DCC: variants seen among roughly 807,000 people sequenced by gnomAD.
The protein encoded by DCC is netrin receptor DCC.
In DCC, 58 loss-of-function variants were observed where a neutral mutation model predicts 172.5. The observed-to-expected ratio is 0.34, with a 90% CI of 0.27 to 0.42. The LOEUF is 0.42. DCC is among the 10% of genes least tolerant of loss of function. The probability of loss-of-function intolerance (pLI) is 1.00; values close to 1 mark genes in which losing one functional copy is unlikely to be tolerated. For synonymous variants in DCC, 709 were observed against 644.5 expected (o/e 1.10, Z -1.52); for missense variants, 1,740 against 1,791.0 (o/e 0.97, Z 0.51).
intron 15 of DCC, among the ~76,000 whole-genome samples, chr18:53,385,712 A>T (rs1357542760): frequency 6.6e-6 from 1 of 152,208 alleles, no homozygotes; most frequent in East Asian, 1.9e-4. Flanking sequence ...CAGACAACAA[A>T]CAGATGATGA....
intron 7 of DCC, among the ~76,000 whole-genome samples, chr18:53,122,522 C>T (rs1482451720): frequency 6.6e-6 from 1 of 151,056 alleles, no homozygotes; most frequent in Non-Finnish European, 1.5e-5. Flanking sequence ...GATTTTTTTT[C>T]AGCTGATTCT....
intron 1 of DCC, among the ~76,000 whole-genome samples, chr18:52,497,823 T>C (rs531213962): frequency 1.3e-5 from 2 of 152,214 alleles, no homozygotes; most frequent in African/African-American, 4.8e-5. Flanking sequence ...CCAACCCAGA[T>C]ATAAGGCAGC....
intron 7 of DCC, among the ~76,000 whole-genome samples, chr18:53,092,672 C>T (rs1055936999): frequency 7.2e-5 from 11 of 152,104 alleles, no homozygotes; most frequent in African/African-American, 2.7e-4. Context: ...GTGGAGTTAG[C>T]TGATATTATT....
chr18:53,250,851 A>T (rs1293568047), intron 12 of DCC, among the ~76,000 whole-genome samples: 1 of 151,774 alleles, frequency 6.6e-6, no homozygotes, highest in Non-Finnish European at 1.5e-5. Flanking sequence ...ATCTCCCTTG[A>T]TTCCTGAAAC....
chr18:52,523,877 A>G (rs190690146), intron 1 of DCC, among the ~76,000 whole-genome samples: 2 of 152,334 alleles, frequency 1.3e-5, no homozygotes, highest in African/African-American at 4.8e-5. Context: ...CCAATTTTTT[A>G]AAAAGAGCAA....
At chr18:53,466,269 AC>A (rs1421406333) in intron 24 of DCC, among the ~76,000 whole-genome samples, 2 of 151,966 alleles carry the variant, frequency 1.3e-5, no homozygotes, top group African/African-American at 4.8e-5. Context: ...CTCCTAGGAA[AC>A]TTTTTTAGTA....
chr18:53,274,413 G>C (rs1487764873), intron 12 of DCC, among the ~76,000 whole-genome samples: 1 of 152,112 alleles, frequency 6.6e-6, no homozygotes, highest in Non-Finnish European at 1.5e-5. Context: ...TATGTAAGCA[G>C]GGTTTTTATG....
intron 12 of DCC, among the ~76,000 whole-genome samples, chr18:53,220,342 C>T (rs917337614): frequency 1.3e-5 from 2 of 152,140 alleles, no homozygotes; most frequent in Admixed American, 1.3e-4. Flanking sequence ...ACCCACTTCT[C>T]TGCTTTCACC....
intron 2 of DCC, among the ~76,000 whole-genome samples, chr18:52,770,277 G>A (rs74737502): frequency 6.6e-6 from 1 of 151,854 alleles, no homozygotes; most frequent in Non-Finnish European, 1.5e-5. Flanking sequence ...TCAAGTCTTG[G>A]ACTATGGAGT....
intron 7 of DCC, among the ~76,000 whole-genome samples, chr18:53,106,988 C>T (rs768368150): frequency 2.6e-5 from 4 of 151,890 alleles, no homozygotes; most frequent in Non-Finnish European, 5.9e-5. Flanking sequence ...GTTCTTAAGA[C>T]ATAGGGACAT....
intron 15 of DCC, 139 bp downstream of exon 15, chr18:53,340,046 CTA>C: frequency 1.7e-6 from 1 of 592,426 alleles, no homozygotes; most frequent in South Asian, 1.8e-5. Flanking sequence ...AACTGTCTAT[CTA>C]CACACACACA....
chr18:52,805,061 T>C (rs1032252516), intron 2 of DCC, among the ~76,000 whole-genome samples: 5 of 152,232 alleles, frequency 3.3e-5, no homozygotes, highest in African/African-American at 1.2e-4. Context: ...TGTGAGCCTT[T>C]GCTTCTTCAT....
intron 5 of DCC, among the ~76,000 whole-genome samples, chr18:52,926,834 TACACACACACAC>T (rs143536972): frequency 1.4e-5 from 2 of 143,462 alleles, no homozygotes; most frequent in Non-Finnish European, 3.1e-5. Context: ...TACATATACA[TACACACACACAC>T]ATATACGTGT....
At chr18:52,755,944 T>G (rs1162693757) in intron 2 of DCC, among the ~76,000 whole-genome samples, 1 of 152,182 alleles carries the variant, frequency 6.6e-6, no homozygotes, top group East Asian at 1.9e-4. Flanking sequence ...AAGGCTTGAG[T>G]GCACACTTGG....
chr18:52,406,388 C>A (rs565471869), intron 1 of DCC, among the ~76,000 whole-genome samples: 123 of 151,672 alleles, frequency 8.1e-4, no homozygotes, highest in Admixed American at 7.6e-3. Flanking sequence ...AACAGGCAAC[C>A]TACAAAATGG....
At position 53,305,600 on chromosome 18, in the gene DCC, C is replaced by G; in HGVS notation, c.1934C>G (p.Pro645Arg). ...CAGAGTATCAAAGTTAGCTGGCTGCCTCCTCCATCAGGAACACAAAATGGA... is the reference window on the plus strand; with the variant it reads ...CAGAGTATCAAAGTTAGCTGGCTGCGTCCTCCATCAGGAACACAAAATGGA... ...NSRSIKVSWL[P>R]PPSGTQNGFI... Residue 645 changes from proline to arginine, a missense_variant, in exon 13 of 29, where the codon CCT becomes CGT. Coordinates refer to ENST00000442544, the MANE Select transcript of DCC (RefSeq NM_005215.4). 1 of 1,612,918 alleles carries G rather than the reference C, an allele frequency of 6.2e-7. No individual in the cohort carries two copies. Among genetic ancestry groups the G allele is most frequent in the South Asian group, 1.1e-5 (1 of 91,060 alleles).
intron 1 of DCC, among the ~76,000 whole-genome samples, chr18:52,363,116 G>C (rs1984695303): frequency 6.6e-6 from 1 of 152,060 alleles, no homozygotes; most frequent in South Asian, 2.1e-4. Context: ...GACCTCAAGT[G>C]ATCCGCCACC....
intron 1 of DCC, among the ~76,000 whole-genome samples, chr18:52,694,243 G>A (rs2035975786): frequency 1.3e-5 from 2 of 151,996 alleles, no homozygotes; most frequent in South Asian, 4.1e-4. Flanking sequence ...CTGTCAAGGT[G>A]GTGAAAAAGC....
intron 1 of DCC, among the ~76,000 whole-genome samples, chr18:52,387,512 C>A (rs1334716176): frequency 6.6e-6 from 1 of 152,086 alleles, no homozygotes; most frequent in Non-Finnish European, 1.5e-5. Flanking sequence ...AGCAGAGACA[C>A]CAGCTTCCTT....
Sources: gnomAD v4.1 joint callset for allele counts (sites outside exome capture counted in the v4.1 genomes callset) on GRCh38, gnomAD v4.1.1 for gene constraint, MANE v1.5 for transcripts, NCBI Gene and HGNC (gene_info 2026-07-23, HGNC 2026-07-21) for gene names.